Variants in XDH observed in about 807,000 individuals in gnomAD.
The protein encoded by XDH is xanthine dehydrogenase/oxidase.
XDH carries 138 observed loss-of-function variants against 156.1 expected under a neutral mutation model. The ratio of observed to expected loss-of-function variants is 0.88; its 90% confidence interval spans 0.77 to 1.02. The LOEUF is 1.02. Among genes scored for constraint, XDH ranks in the 50% least tolerant of loss-of-function variants. XDH has a pLI of 0.00. For missense variants in XDH, 1,849 were observed against 1,684.9 expected (o/e 1.10, Z -1.71); for synonymous variants, 669 against 625.7 (o/e 1.07, Z -1.03).
chr2:31,339,530 G>A lies in XDH; in HGVS notation c.3733C>T (p.Leu1245Phe), dbSNP rs1391560681. 6.2e-7 allele frequency: 1 copy of A among 1,614,098 alleles called. No individual in the cohort carries two copies. Among genetic ancestry groups the A allele is most frequent in the Non-Finnish European group, 8.5e-7 (1 of 1,180,054 alleles). ...SIPIEFRVSLLRDCPNKKAIY... is the reference protein window; with the variant it reads ...SIPIEFRVSLFRDCPNKKAIY... ...GCCTTCTTGTTGGGGCAGTCGCGGA[G>A]CAGGGACACCCTGAACTCAATGGGG... is the stretch of plus-strand genomic sequence containing the variant. The change falls in exon 34 of 36, where the codon CTC becomes TTC. Residue 1245 changes from leucine to phenylalanine, a missense_variant. Coordinates refer to ENST00000379416, the MANE Select transcript of XDH (RefSeq NM_000379.4).
Position 31,338,719 on chromosome 2 carries a change from T to G in XDH, c.3774+770A>C, listed in dbSNP as rs1685040209. On this transcript the variant is annotated intron_variant, in intron 34 of 35. Transcript: ENST00000379416. ...CTCCAGGCATCTGACCAAGTCTTTT[T>G]TTTTTTTTTTTTTTTTTTTTTTGAG... Among the ~76,000 whole-genome samples, 3 of 127,104 alleles carry G rather than the reference T, an allele frequency of 2.4e-5. No individual in the cohort carries two copies. In the South Asian group the frequency reaches 9.2e-4, roughly 39 times the overall value. 83.4% of individuals were successfully genotyped at this position (127,104 alleles called of 152,430 possible). A position where few individuals can be genotyped will look rare whatever the true frequency, so the allele number is the denominator to read the frequency against.
intron 24 of XDH, among the ~76,000 whole-genome samples, chr2:31,357,118 C>G (rs1270560863): frequency 6.6e-6 from 1 of 151,998 alleles, no homozygotes; most frequent in Non-Finnish European, 1.5e-5. Flanking sequence ...CTTTACAGCA[C>G]TAAATTGAAT....
chr2:31,388,035 G>A (rs1686660300), intron 7 of XDH, 138 bp from the exon 8 acceptor site: 1 of 1,142,630 alleles, frequency 8.8e-7, no homozygotes, highest in South Asian at 1.3e-5. Flanking sequence ...ATCCCTGGGA[G>A]GCAGGAATGA....
In XDH at chr2:31,350,042, G is replaced by A. The variant is rs376862215; in HGVS notation, c.2813C>T (p.Pro938Leu). The A allele has an allele frequency of 1.2e-6, 2 of 1,613,968 alleles. No individual in the cohort carries two copies. The highest frequency in any genetic ancestry group is 2.7e-5 in the African/African-American group (2 of 74,920). Residue 938 changes from proline to leucine, a missense_variant, in exon 25 of 36, where the codon CCT becomes CTT. Physicochemically the swap from Pro to Leu is moderately conservative, Grantham distance 98. Transcript: ENST00000379416. Reference sequence around the variant, plus strand: ...AAATTCTCAGCTTACCTCCTCTGCAGGCATCCCACAGGTCACTGCAACTTC... The same window carrying A: ...AAATTCTCAGCTTACCTCCTCTGCAAGCATCCCACAGGTCACTGCAACTTC... ...MSEVAVTCGM[P>L]AEEVRRKNLY...
chr2:31,388,570 C>G (rs1329621315), intron 6 of XDH, among the ~76,000 whole-genome samples: 1 of 152,216 alleles, frequency 6.6e-6, no homozygotes, highest in Non-Finnish European at 1.5e-5. Flanking sequence ...CTAGGTCCTA[C>G]TTTATCAAAA....
Position 31,365,001 on chromosome 2 carries a change from A to G in XDH, c.2544+456T>C, listed in dbSNP as rs138874944. 2.6e-5 allele frequency among the ~76,000 whole-genome samples: 4 copies of G among 152,286 alleles called. No individual in the cohort carries two copies. The East Asian group carries it at 5.8e-4, about 22-fold the overall frequency. On this transcript the variant is annotated intron_variant, in intron 23 of 35. Coordinates refer to ENST00000379416, the MANE Select transcript of XDH (RefSeq NM_000379.4). ...GGGACTGTCCCAGAGAGAAGTGTGG[A>G]CCGTGTCCAACCATGGTCTGGAAAA...
Position 31,375,460 on chromosome 2 carries a change from G to T in XDH, c.1522C>A (p.Arg508=). The change falls in exon 15 of 36, where the codon CGG becomes AGG. Residue 508 remains arginine (R), a synonymous_variant. Coordinates refer to ENST00000379416, the MANE Select transcript of XDH (RefSeq NM_000379.4). ...AAGAAGCTGAGGGTGAGGGTGCACC[G>T]GAAGTCCACCATGCCACCAGGGGCA... ...PDAPGGMVDF[R]CTLTLSFFFK... 2 of 1,614,170 alleles carry T rather than the reference G, an allele frequency of 1.2e-6. No homozygotes were observed. Among genetic ancestry groups the T allele is most frequent in the Middle Eastern group, 1.6e-4 (1 of 6,062 alleles).
rs183714440 is a variant in XDH, at chr2:31,339,539, C to A, written c.3724G>T (p.Val1242Leu). 5.0e-6 allele frequency: 8 copies of A among 1,614,210 alleles called. No individual in the cohort carries two copies. Among genetic ancestry groups the A allele is most frequent in the Non-Finnish European group, 6.8e-6 (8 of 1,180,036 alleles). The stretch of plus-strand genomic sequence containing the variant: ...TTGGGGCAGTCGCGGAGCAGGGACA[C>A]CCTGAACTCAATGGGGATGCTGCCA... The part of the protein sequence containing the change: ...AFGSIPIEFR[V>L]SLLRDCPNKK... Residue 1242 changes from valine to leucine, a missense_variant, in exon 34 of 36, where the codon GTG (valine) becomes TTG (leucine). Physicochemically the swap from Val to Leu is conservative, Grantham distance 32. Coordinates refer to ENST00000379416, the MANE Select transcript of XDH (RefSeq NM_000379.4).
At chr2:31,399,006 T>C (rs941280390) in intron 4 of XDH, among the ~76,000 whole-genome samples, 2 of 152,216 alleles carry the variant, frequency 1.3e-5, no homozygotes, top group Non-Finnish European at 2.9e-5. Flanking sequence ...AGTCAGCCAG[T>C]GTTAGCTATG....
At chr2:31,400,623 T>C (rs891553866) in intron 4 of XDH, among the ~76,000 whole-genome samples, 5 of 152,122 alleles carry the variant, frequency 3.3e-5, no homozygotes, top group African/African-American at 9.7e-5. Context: ...GCCCCAGAAA[T>C]GTTTCGGATT....
intron 3 of XDH, among the ~76,000 whole-genome samples, chr2:31,401,529 A>G (rs2148006546): frequency 6.6e-6 from 1 of 152,326 alleles, no homozygotes; most frequent in Middle Eastern, 3.4e-3. Flanking sequence ...CCTTATAGGT[A>G]AAGCTGAGCC....
chr2:31,395,980 C>T (rs575002593), intron 6 of XDH, among the ~76,000 whole-genome samples: 31 of 152,304 alleles, frequency 2.0e-4, no homozygotes, highest in African/African-American at 7.0e-4. Flanking sequence ...GAGCAGTGTG[C>T]CCACCTCTAG....
At chr2:31,397,087 T>C (rs1686929521) in intron 6 of XDH, among the ~76,000 whole-genome samples, 1 of 152,230 alleles carries the variant, frequency 6.6e-6, no homozygotes, top group East Asian at 1.9e-4. Flanking sequence ...GCTCTCTGCC[T>C]TCCTTGCCAG....
chr2:31,352,176 T>C (rs932707009), intron 24 of XDH, among the ~76,000 whole-genome samples: 1 of 152,166 alleles, frequency 6.6e-6, no homozygotes, highest in South Asian at 2.1e-4. Context: ...TTTTTCACAT[T>C]GTTTTCCATT....
At chr2:31,396,364 A>G (rs1686904097) in intron 6 of XDH, among the ~76,000 whole-genome samples, 1 of 152,228 alleles carries the variant, frequency 6.6e-6, no homozygotes, top group South Asian at 2.1e-4. Context: ...TGAAGTAAAT[A>G]GAGGCAAGAT....
chr2:31,379,760 T>G (rs966079393), intron 13 of XDH, 107 bp downstream of exon 13: 1 of 1,079,994 alleles, frequency 9.3e-7, no homozygotes, highest in East Asian at 2.4e-5. Flanking sequence ...AATGTAAAGG[T>G]TGAGAGATGC....
intron 12 of XDH, among the ~76,000 whole-genome samples, chr2:31,380,258 C>A (rs569519758): frequency 6.6e-6 from 1 of 152,298 alleles, no homozygotes; most frequent in South Asian, 2.1e-4. Flanking sequence ...TTCCAGGCCA[C>A]CAAAGTTGCA....
chr2:31,390,972 T>C lies in XDH; in HGVS notation c.496-2677A>G, dbSNP rs557289585. Among the ~76,000 whole-genome samples the C allele has an allele frequency of 2.0e-5, 3 of 152,352 alleles. No homozygotes were observed. In the South Asian group the frequency reaches 6.2e-4, roughly 32 times the overall value. ...CCGCTTGTCTCCTCATTCATCGTTA[T>C]TAAATTTTAATGAAGTCCAGCTTAT... On this transcript the variant is annotated intron_variant, in intron 6 of 35. Transcript: ENST00000379416.
intron 6 of XDH, among the ~76,000 whole-genome samples, chr2:31,395,386 C>A (rs1322614993): frequency 6.6e-6 from 1 of 152,068 alleles, no homozygotes; most frequent in South Asian, 2.1e-4. Flanking sequence ...CCAAGGTAGG[C>A]GAGGATCTAA....
Sources: allele counts gnomAD v4.1 joint callset (sites outside exome capture counted in the v4.1 genomes callset), GRCh38; gene constraint gnomAD v4.1.1; transcripts MANE v1.5; gene names NCBI Gene and HGNC (gene_info 2026-07-23, HGNC 2026-07-21).